The following ARHGAP19 variants were observed in gnomAD, a reference collection of about 807,000 sequenced individuals.
The protein encoded by ARHGAP19 is rho GTPase-activating protein 19.
A neutral mutation model predicts 60.9 loss-of-function variants in ARHGAP19; 48 were observed. The ratio of observed to expected loss-of-function variants is 0.79; its 90% CI spans 0.62 to 1.00. The LOEUF (loss-of-function observed/expected upper bound fraction) is 1.00. ARHGAP19 is among the 50% of genes least tolerant of loss of function. The pLI is 0.00. For synonymous variants in ARHGAP19, 209 were observed against 215.5 expected (o/e 0.97, Z 0.27); for missense variants, 562 against 597.2 (o/e 0.94, Z 0.61).
chr10:97,284,747 T>G (rs1057040460), intron 1 of ARHGAP19, among the ~76,000 whole-genome samples: 2 of 150,888 alleles, frequency 1.3e-5, no homozygotes, highest in South Asian at 4.2e-4. Context: ...GCTCAAGTGA[T>G]CCTACCACCT....
intron 11 of ARHGAP19, among the ~76,000 whole-genome samples, chr10:97,228,240 A>T (rs1410085860): frequency 6.6e-6 from 1 of 152,244 alleles, no homozygotes; most frequent in Non-Finnish European, 1.5e-5. Flanking sequence ...TGATGTCTCA[A>T]ATAGTAATTA....
In ARHGAP19 at chr10:97,263,705, G is replaced by A. The variant is rs1307942472; in HGVS notation, c.404-76C>T. On this transcript the variant is annotated intron_variant, in intron 3 of 11. Transcript: ENST00000358531. ...TTATTATTAAAATAAATGGTCTAAAGACTACTTTACACTTAAAAGACCCTT... is the reference window on the plus strand; with the variant it reads ...TTATTATTAAAATAAATGGTCTAAAAACTACTTTACACTTAAAAGACCCTT... 2.8e-6 allele frequency: 4 copies of A among 1,444,324 alleles called. No individual in the cohort carries two copies. The African/African-American group carries it at 4.2e-5, about 15-fold the overall frequency. 89.5% of individuals were successfully genotyped at this position (1,444,324 alleles called of 1,614,324 possible).
intron 1 of ARHGAP19, among the ~76,000 whole-genome samples, chr10:97,284,867 T>G (rs957787942): frequency 6.7e-6 from 1 of 149,114 alleles, no homozygotes; most frequent in African/African-American, 2.5e-5. Flanking sequence ...TTTTTTTTTT[T>G]TTTTTTTTTC....
At chr10:97,249,694 T>C (rs758590176) in intron 6 of ARHGAP19, among the ~76,000 whole-genome samples, 4 of 152,126 alleles carry the variant, frequency 2.6e-5, no homozygotes, top group African/African-American at 4.8e-5. Context: ...AAAAAAAGTA[T>C]GAAATACATT....
chr10:97,281,999 C>A (rs1354067197), intron 1 of ARHGAP19, among the ~76,000 whole-genome samples: 1 of 152,150 alleles, frequency 6.6e-6, no homozygotes, highest in Non-Finnish European at 1.5e-5. Context: ...AGAGATAGCA[C>A]AGTGGACATC....
At chr10:97,292,323 T>A (rs1200925290) in intron 1 of ARHGAP19, among the ~76,000 whole-genome samples, 3 of 152,204 alleles carry the variant, frequency 2.0e-5, no homozygotes, top group Non-Finnish European at 4.4e-5. Flanking sequence ...CACCCCCAGC[T>A]GGACGTCTGC....
chr10:97,270,016 C>T (rs1842942033), intron 1 of ARHGAP19, among the ~76,000 whole-genome samples: 1 of 152,016 alleles, frequency 6.6e-6, no homozygotes. Context: ...ACATCATCCC[C>T]AAAACTACTC....
At position 97,263,361 on chromosome 10, in the gene ARHGAP19, G is replaced by A. The variant is rs1037613445; in HGVS notation, c.613+59C>T. 7 of 1,539,228 alleles carry A rather than the reference G, an allele frequency of 4.5e-6. No homozygotes were observed. The African/African-American group carries it at 8.2e-5, about 18-fold the overall frequency. On this transcript the variant is annotated intron_variant, in intron 4 of 11. Transcript: ENST00000358531. ...GGTCACAAGCAACAGAAATTTCCTAGGAACTTTACTAAATTGAAAGAAATG... is the reference window on the plus strand; with the variant it reads ...GGTCACAAGCAACAGAAATTTCCTAAGAACTTTACTAAATTGAAAGAAATG...
intron 4 of ARHGAP19, among the ~76,000 whole-genome samples, chr10:97,261,311 T>C (rs1329205334): frequency 3.4e-5 from 5 of 148,674 alleles, no homozygotes; most frequent in African/African-American, 4.9e-5. Context: ...TGTTCTCTGT[T>C]AATATGAAAC....
chr10:97,280,778 T>C (rs1372504743), intron 1 of ARHGAP19, among the ~76,000 whole-genome samples: 1 of 151,952 alleles, frequency 6.6e-6, no homozygotes, highest in Non-Finnish European at 1.5e-5. Flanking sequence ...CAGCCCAGGG[T>C]CTCACTATGT....
At chr10:97,236,434 G>A (rs1400359154) in intron 8 of ARHGAP19, among the ~76,000 whole-genome samples, 1 of 152,038 alleles carries the variant, frequency 6.6e-6, no homozygotes, top group Admixed American at 6.6e-5. Context: ...AATTAGCCAC[G>A]TCTGAAGAGC....
chr10:97,242,534 C>T (rs562678458), intron 8 of ARHGAP19, among the ~76,000 whole-genome samples: 9 of 151,634 alleles, frequency 5.9e-5, no homozygotes, highest in East Asian at 5.8e-4. Context: ...TTTTTTGAGA[C>T]GGAGTTTCAC....
At position 97,244,111 on chromosome 10, in the gene ARHGAP19, C is replaced by G. The variant is rs1178506266; in HGVS notation, c.1042G>C (p.Ala348Pro). Reference sequence around the variant, plus strand: ...ACCCGGTTCCGTTTCTGAGACTTTGCCAGCTGAAAGGACTTAGTATGACAT... The same window carrying G: ...ACCCGGTTCCGTTTCTGAGACTTTGGCAGCTGAAAGGACTTAGTATGACAT... ...ASCHTKSFQL[A>P]KSQKRNRVDS... is the part of the protein sequence containing the mutation. The change falls in exon 8 of 12, where the codon GCA (alanine) becomes CCA (proline). Residue 348 changes from alanine (A) to proline (P), a missense_variant. By Grantham distance (27) the Ala-to-Pro change is conservative. Transcript: ENST00000358531. The G allele has an allele frequency of 1.1e-5, 17 of 1,613,706 alleles. No homozygotes were observed. Among genetic ancestry groups the G allele is most frequent in the Non-Finnish European group, 1.4e-5 (17 of 1,179,856 alleles).
intron 1 of ARHGAP19, among the ~76,000 whole-genome samples, chr10:97,287,800 C>T (rs955815993): frequency 1.3e-5 from 2 of 152,182 alleles, no homozygotes; most frequent in African/African-American, 2.4e-5. Context: ...CGGTGGCTCA[C>T]GCCTGTAATC....
At chr10:97,242,885 G>A (rs1842510558) in intron 8 of ARHGAP19, among the ~76,000 whole-genome samples, 1 of 152,080 alleles carries the variant, frequency 6.6e-6, no homozygotes, top group Non-Finnish European at 1.5e-5. Flanking sequence ...CCCGATCTCA[G>A]GTGATCCACC....
chr10:97,255,161 G>A (rs758070778), intron 6 of ARHGAP19, among the ~76,000 whole-genome samples: 4 of 152,174 alleles, frequency 2.6e-5, no homozygotes, highest in Non-Finnish European at 5.9e-5. Flanking sequence ...ACACAACAAC[G>A]TGAATGTACT....
In ARHGAP19 at chr10:97,292,636, G is replaced by A. The variant is rs1412740356; in HGVS notation, c.-9C>T. 4 of 1,614,156 alleles carry A rather than the reference G, an allele frequency of 2.5e-6. No individual in the cohort carries two copies. The highest frequency in any genetic ancestry group is 2.2e-5 in the South Asian group (2 of 91,082). ...TGTGCCTCAGTCGCCATCTTCGTCA[G>A]CAAACTTCTTTCACCGCCCCACCTT... On this transcript the variant is annotated 5_prime_UTR_variant, in exon 1 of 12. Coordinates refer to ENST00000358531, the MANE Select transcript of ARHGAP19 (RefSeq NM_032900.6).
intron 8 of ARHGAP19, among the ~76,000 whole-genome samples, chr10:97,238,672 C>T (rs1842421219): frequency 6.6e-6 from 1 of 151,980 alleles, no homozygotes; most frequent in Admixed American, 6.6e-5. Context: ...TTACAAGAGT[C>T]AGAAAGTTAA....
In ARHGAP19 at chr10:97,259,651, C is replaced by T. The variant is rs3740520; in HGVS notation, c.614-23G>A. 1.5e-4 allele frequency: 233 copies of T among 1,579,528 alleles called. No individual in the cohort carries two copies. The East Asian group carries it at 5.1e-3, about 35-fold the overall frequency. ...AATCTTGAGGACAAAAGAGAATTTGCAAAGTGGGGAGAAAATATCAGCAAG... is the reference window on the plus strand; with the variant it reads ...AATCTTGAGGACAAAAGAGAATTTGTAAAGTGGGGAGAAAATATCAGCAAG... On this transcript the variant is annotated intron_variant, in intron 4 of 11. Transcript: ENST00000358531.
Sources: gnomAD v4.1 joint callset for allele counts (sites outside exome capture counted in the v4.1 genomes callset) on GRCh38, gnomAD v4.1.1 for gene constraint, MANE v1.5 for transcripts, NCBI Gene and HGNC (gene_info 2026-07-23, HGNC 2026-07-21) for gene names.